STK33: variants seen among roughly 807,000 people sequenced by gnomAD.
STK33 encodes the protein serine/threonine kinase 33.
Under a neutral mutation model 58.0 loss-of-function variants are expected in STK33, and 52 were observed. The observed-to-expected ratio is 0.90, with a 90% CI of 0.72 to 1.13. STK33 has a LOEUF of 1.13. Ranked by LOEUF, STK33 falls within the 50% of genes most tolerant of loss-of-function variation. The probability of loss-of-function intolerance (pLI) is 0.00; values close to 1 mark genes in which losing one functional copy is unlikely to be tolerated. For synonymous variants in STK33, 215 were observed against 200.1 expected, an observed-to-expected ratio of 1.07 and a Z score of -0.63; for missense variants, 630 against 604.2, an observed-to-expected ratio of 1.04 and a Z score of -0.45.
the STK33 span, among the ~76,000 whole-genome samples, chr11:8,383,717 T>C: frequency 6.6e-6 from 1 of 152,346 alleles, no homozygotes; most frequent in African/African-American, 2.4e-5. Context: ...TGGCATTTCA[T>C]GTCATTCCAC....
chr11:8,389,402 T>G (rs1474661823), downstream of STK33, among the ~76,000 whole-genome samples: 1 of 152,206 alleles, frequency 6.6e-6, no homozygotes, highest in African/African-American at 2.4e-5. Context: ...AGTGTGTTAA[T>G]GCAGTACCTG....
In STK33 at chr11:8,392,108, ATAAT is replaced by A; in HGVS notation, c.*398_*401del. On this transcript the variant is annotated 3_prime_UTR_variant, in exon 16 of 16. Transcript: ENST00000687296. Reference sequence around the variant, plus strand: ...CAAAGTCTTCTAGTGCAAAGTGCACATAATTATTTGGCACCTCCATTACTATATT... The same window carrying A: ...CAAAGTCTTCTAGTGCAAAGTGCACATATTTGGCACCTCCATTACTATATT... 1 of 194,128 alleles carries A rather than the reference ATAAT, an allele frequency of 5.2e-6. No homozygotes were observed. Among genetic ancestry groups the A allele is most frequent in the Non-Finnish European group, 1.1e-5 (1 of 93,956 alleles). The allele number at this position is 194,128 out of a possible 1,614,324, so 12.0% of individuals were successfully genotyped here. A position where few individuals can be genotyped will look rare whatever the true frequency, so the allele number is the denominator to read the frequency against.
At chr11:8,562,156 A>G (rs903943887) in intron 1 of STK33, among the ~76,000 whole-genome samples, 1 of 152,244 alleles carries the variant, frequency 6.6e-6, no homozygotes, top group Admixed American at 6.5e-5. Context: ...TCTGAAATGT[A>G]CTTCATTCTG....
In STK33 at chr11:8,402,694, C is replaced by T. The variant is rs557272973; in HGVS notation, c.1345-9984G>A. Among the ~76,000 whole-genome samples the T allele has an allele frequency of 2.6e-5, 4 of 152,316 alleles. No homozygotes were observed. In the South Asian group the frequency reaches 6.2e-4, roughly 24 times the overall value. On this transcript the variant is annotated intron_variant, in intron 15 of 15. Coordinates refer to ENST00000687296, the MANE Select transcript of STK33 (RefSeq NM_001352389.2). The stretch of plus-strand genomic sequence containing the variant: ...CTCTGATGCTAACAGGACACGGATG[C>T]TGAATGGCCACCATGGTGCCCTCCA...
the STK33 span, among the ~76,000 whole-genome samples, chr11:8,340,072 G>A: frequency 6.6e-6 from 1 of 152,238 alleles, no homozygotes; most frequent in African/African-American, 2.4e-5. Flanking sequence ...ATAGGAGTGC[G>A]TTCATAAACA....
chr11:8,335,271 C>T, the STK33 span, among the ~76,000 whole-genome samples: 1 of 152,180 alleles, frequency 6.6e-6, no homozygotes, highest in Non-Finnish European at 1.5e-5. Flanking sequence ...TCCTGGCTAC[C>T]TGTTCTGTTA....
chr11:8,376,846 G>C, the STK33 span, among the ~76,000 whole-genome samples: 29 of 152,212 alleles, frequency 1.9e-4, no homozygotes, highest in African/African-American at 6.7e-4. Flanking sequence ...GGCCGATTCT[G>C]CATTTCTTTT....
At chr11:8,386,312 G>C in the STK33 span, among the ~76,000 whole-genome samples, 1 of 152,166 alleles carries the variant, frequency 6.6e-6, no homozygotes, top group African/African-American at 2.4e-5. Context: ...GCAGAAAGTT[G>C]ATATGAAACT....
intron 1 of STK33, among the ~76,000 whole-genome samples, chr11:8,525,736 T>A (rs1565275295): frequency 6.6e-6 from 1 of 152,180 alleles, no homozygotes; most frequent in African/African-American, 2.4e-5. Flanking sequence ...GAATTTCTGT[T>A]CATCAAAGAT....
intron 1 of STK33, among the ~76,000 whole-genome samples, chr11:8,512,398 C>T (rs1314524155): frequency 2.0e-5 from 3 of 151,834 alleles, no homozygotes; most frequent in Admixed American, 6.6e-5. Context: ...CACAGATAAA[C>T]GAAGTATACA....
chr11:8,455,188 G>A (rs376206571), intron 9 of STK33, among the ~76,000 whole-genome samples: 1 of 152,050 alleles, frequency 6.6e-6, no homozygotes, highest in Non-Finnish European at 1.5e-5. Flanking sequence ...CATATCCTTC[G>A]GTCTTCAAAT....
chr11:8,504,770 C>T (rs991232178), intron 1 of STK33, among the ~76,000 whole-genome samples: 1 of 151,836 alleles, frequency 6.6e-6, no homozygotes, highest in East Asian at 1.9e-4. Flanking sequence ...TGTATTCCAG[C>T]GTGGGTGACA....
chr11:8,405,075 G>A (rs922709726), intron 15 of STK33, among the ~76,000 whole-genome samples: 5 of 152,320 alleles, frequency 3.3e-5, no homozygotes, highest in African/African-American at 1.2e-4. Context: ...AGCGGAGGTT[G>A]CAGTGAGCTG....
At chr11:8,567,909 T>G (rs1486112108) in intron 1 of STK33, among the ~76,000 whole-genome samples, 5 of 152,166 alleles carry the variant, frequency 3.3e-5, no homozygotes, top group Non-Finnish European at 7.4e-5. Flanking sequence ...TCTGAACTTT[T>G]AAAAACAATA....
At chr11:8,518,618 T>C (rs555484744) in intron 1 of STK33, among the ~76,000 whole-genome samples, 70 of 152,212 alleles carry the variant, frequency 4.6e-4, no homozygotes, top group Non-Finnish European at 9.3e-4. Flanking sequence ...GAGACACACA[T>C]AGGCTCAAAA....
intron 1 of STK33, among the ~76,000 whole-genome samples, chr11:8,491,138 A>G (rs2138668320): frequency 6.6e-6 from 1 of 152,338 alleles, no homozygotes; most frequent in East Asian, 1.9e-4. Flanking sequence ...GGAATAAGAA[A>G]CTTCTCCAAG....
rs113829497 is a variant in STK33 at position 8,559,868 on chromosome 11, T to C, written c.-466+34215A>G. 1.0e-3 allele frequency among the ~76,000 whole-genome samples: 156 copies of C among 152,254 alleles called. 1 individual carries two copies. Among genetic ancestry groups the C allele is most frequent in the African/African-American group, 3.5e-3 (146 of 41,578 alleles). On this transcript the variant is annotated intron_variant, in intron 1 of 15. Transcript: ENST00000687296. ...ATACACAGCCTAAGTATAAATCACA[T>C]ATGGTTGTAAATAAGCTCATACTAT...
intron 1 of STK33, among the ~76,000 whole-genome samples, chr11:8,557,965 A>G (rs1956879066): frequency 6.6e-6 from 1 of 152,226 alleles, no homozygotes. Context: ...AAGGAGTTCA[A>G]CATGAGGCAT....
At chr11:8,500,125 C>T (rs190307497) in intron 1 of STK33, among the ~76,000 whole-genome samples, 1 of 152,178 alleles carries the variant, frequency 6.6e-6, no homozygotes, top group Admixed American at 6.5e-5. Context: ...AAGCTTTCCT[C>T]TAAAATCAGG....
Sources: gnomAD v4.1 joint callset for allele counts (sites outside exome capture counted in the v4.1 genomes callset) on GRCh38, gnomAD v4.1.1 for gene constraint, MANE v1.5 for transcripts, NCBI Gene and HGNC (gene_info 2026-07-23, HGNC 2026-07-21) for gene names.